The following TUBB8B variants were observed in gnomAD, a reference collection of about 807,000 sequenced individuals.
The protein encoded by TUBB8B is tubulin beta 8B, also known as HSA18p11 beta-tubulin 4Q pseudogene.
A neutral mutation model predicts 31.9 loss-of-function variants in TUBB8B; 26 were observed. That is an observed-to-expected ratio of 0.81 (90% confidence interval 0.60 to 1.13). The LOEUF (loss-of-function observed/expected upper bound fraction) is 1.13. Ranked by LOEUF, TUBB8B falls within the 50% of genes most tolerant of loss-of-function variation. The pLI is 0.00. For missense variants in TUBB8B, 467 were observed against 586.7 expected (o/e 0.80, Z 2.11); for synonymous variants, 173 against 231.0 (o/e 0.75, Z 2.28).
chr18:70,357 G>A, the TUBB8B span, among the ~76,000 whole-genome samples: 22,724 of 126,078 alleles, frequency 0.18, no homozygotes, highest in African/African-American at 0.32. Context: ...CAGGGACAGG[G>A]CATGGTGGCT....
chr18:59,482 A>G, the TUBB8B span, among the ~76,000 whole-genome samples: 1 of 150,814 alleles, frequency 6.6e-6, no homozygotes, highest in African/African-American at 2.4e-5. Flanking sequence ...ATTAAAGAAT[A>G]TTTAATTTTA....
the TUBB8B span, among the ~76,000 whole-genome samples, chr18:61,661 ACAT>A: frequency 1.3e-5 from 2 of 151,040 alleles, no homozygotes; most frequent in Non-Finnish European, 3.0e-5. Flanking sequence ...ATAATATAAC[ACAT>A]CATTTTAGAC....
At chr18:58,816 T>G in the TUBB8B span, among the ~76,000 whole-genome samples, 5 of 151,872 alleles carry the variant, frequency 3.3e-5, no homozygotes, top group Admixed American at 3.3e-4. Flanking sequence ...GGTAATTTAT[T>G]TTTTAAAAAG....
chr18:47,828 C>G lies in TUBB8B; in HGVS notation c.897G>C (p.Met299Ile). ...LTQQMFDAKN[M>I]MAACDPRHGC... ...CGTGACGGGGGTCACAGGCAGCCATCATGTTCTTAGCATCAAACATCTGCT... is the reference window on the plus strand; with the variant it reads ...CGTGACGGGGGTCACAGGCAGCCATGATGTTCTTAGCATCAAACATCTGCT... The change falls in exon 4 of 4, where the codon ATG (methionine) becomes ATC (isoleucine). Residue 299 changes from methionine to isoleucine, a missense_variant. Around this residue, in one of 2 missense-constraint regions of TUBB8B, gnomAD observed 208 missense variants for 206.7 expected, o/e 1.01. Transcript: ENST00000308911. 1.2e-6 allele frequency: 2 copies of G among 1,611,666 alleles called. No individual in the cohort carries two copies. The highest frequency in any genetic ancestry group is 1.7e-6 in the Non-Finnish European group (2 of 1,179,584).
At position 47,779 on chromosome 18, in the gene TUBB8B, T is replaced by TG; in HGVS notation, c.945dup (p.Ile316HisfsTer13). ...CTCATGGGCATGCGACCCCTGAAAA[T>TG]GGCAGCCACCGTTAGGTAGCAGCCG... On this transcript the variant is annotated frameshift_variant, in exon 4 of 4. Transcript: ENST00000308911. LOFTEE classifies it high-confidence loss of function. The TG allele has an allele frequency of 6.2e-7, 1 of 1,611,584 alleles. No individual in the cohort carries two copies. The highest frequency in any genetic ancestry group is 8.5e-7 in the Non-Finnish European group (1 of 1,179,494).
At chr18:50,810 T>C (rs200829949), upstream of TUBB8B, among the ~76,000 whole-genome samples, 468 of 117,942 alleles carry the variant, frequency 4.0e-3, no homozygotes, top group Admixed American at 6.0e-3. Flanking sequence ...GCCTTGGCTG[T>C]GGCATCTACA....
At chr18:70,927 G>A in the TUBB8B span, among the ~76,000 whole-genome samples, 11 of 149,552 alleles carry the variant, frequency 7.4e-5, no homozygotes, top group East Asian at 2.2e-3. Context: ...AAAAAAGAGT[G>A]AAAATCTGTC....
At chr18:48,610 C>T in intron 3 of TUBB8B, 163 bp from the exon 4 acceptor site, 2 of 700,258 alleles carry the variant, frequency 2.9e-6, no homozygotes, top group Admixed American at 2.1e-5. Flanking sequence ...AGGACAGCAG[C>T]TTCCCCTGTT....
At chr18:50,815 T>TGC (rs1367705378), upstream of TUBB8B, among the ~76,000 whole-genome samples, 118 of 152,220 alleles carry the variant, frequency 7.8e-4, no homozygotes, top group Non-Finnish European at 1.5e-3. Context: ...GGCTGTGGCA[T>TGC]CTACAAGGGC....
upstream of TUBB8B, among the ~76,000 whole-genome samples, chr18:52,390 G>C (rs1906145979): frequency 6.6e-6 from 1 of 151,522 alleles, no homozygotes; most frequent in East Asian, 1.9e-4. Context: ...CAAACATCTT[G>C]TTTAGCCAAA....
chr18:56,503 G>A, the TUBB8B span, among the ~76,000 whole-genome samples: 224 of 151,420 alleles, frequency 1.5e-3, 3 homozygotes, highest in Middle Eastern at 6.8e-3. Flanking sequence ...TTCTTTTATC[G>A]GTGTTTTACA....
rs751147149 is a variant in TUBB8B, at chr18:47,668, C to T, written c.1057G>A (p.Val353Ile). Residue 353 changes from valine to isoleucine, a missense_variant, in exon 4 of 4, where the codon GTC becomes ATC. Transcript: ENST00000308911. ...AGCCCCCGGGGTGGGATGTCACAGA[C>T]GGCTGTTTTTACGTTGTCGGGGAAC... The part of the protein sequence containing the change: ...DWFPDNVKTA[V>I]CDIPPRGLKM... 115 of 1,612,478 alleles carry T rather than the reference C, an allele frequency of 7.1e-5. No homozygotes were observed. In the East Asian group the frequency reaches 1.7e-3, roughly 23 times the overall value.
rs1905807766 is a variant in TUBB8B, at chr18:48,242, G to A, written c.483C>T (p.Asp161=). The A allele has an allele frequency of 6.2e-7, 1 of 1,612,130 alleles. No individual in the cohort carries two copies. Among genetic ancestry groups the A allele is most frequent in the Non-Finnish European group, 8.5e-7 (1 of 1,178,382 alleles). Residue 161 remains aspartate (D), a synonymous_variant, in exon 4 of 4, where the codon GAC becomes GAT. Transcript: ENST00000308911. ...LISKIREEYP[D]RIINTFSILP... ...GGATGCTGAATGTGTTTATGATCCT[G>A]TCTGGGTACTCCTCCCGGATCTTAC...
chr18:64,123 C>G, the TUBB8B span, among the ~76,000 whole-genome samples: 1 of 152,042 alleles, frequency 6.6e-6, no homozygotes, highest in African/African-American at 2.4e-5. Flanking sequence ...AACCCTAACA[C>G]TAACCATCTA....
upstream of TUBB8B, among the ~76,000 whole-genome samples, chr18:51,828 C>T (rs536187204): frequency 5.9e-5 from 9 of 151,870 alleles, no homozygotes; most frequent in Non-Finnish European, 1.3e-4. Context: ...GAGGCCTCTC[C>T]GACCATGTGC....
Position 49,549 on chromosome 18 carries a change from T to C in TUBB8B, c.9A>G (p.Glu3=), listed in dbSNP as rs62075749. ...ACTGCCCGGTCTGCGTGAGCACGAT[T>C]TCCCTCATGGCCAAGGCAGGATTAG... MR[E]IVLTQTGQCG... is the part of the protein sequence containing the mutation. Residue 3 remains glutamate (E), a synonymous_variant, in exon 1 of 4, where the codon GAA becomes GAG. Transcript: ENST00000308911. The C allele has an allele frequency of 0.58, 443,693 of 760,550 alleles. 159,731 individuals are homozygous for C. The highest frequency in any genetic ancestry group is 0.97 in the East Asian group (34,033 of 34,926). The allele number at this position is 760,550 out of a possible 1,614,324, so 47.1% of individuals were successfully genotyped here.
In TUBB8B at chr18:47,639, T is replaced by G; in HGVS notation, c.1086A>C (p.Lys362Asn). ...AVCDIPPRGL[K>N]MSATFIGNNA... ...TATTCCCAATGAAGGTGGCTGACATTTTTAGCCCCCGGGGTGGGATGTCAC... is the reference window on the plus strand; with the variant it reads ...TATTCCCAATGAAGGTGGCTGACATGTTTAGCCCCCGGGGTGGGATGTCAC... Residue 362 changes from lysine to asparagine, a missense_variant, in exon 4 of 4, where the codon AAA (lysine) becomes AAC (asparagine). Around this residue, in one of 2 missense-constraint regions of TUBB8B, gnomAD observed 208 missense variants for 206.7 expected, o/e 1.01. Transcript: ENST00000308911. 10 of 1,612,682 alleles carry G rather than the reference T, an allele frequency of 6.2e-6. No individual in the cohort carries two copies. Among genetic ancestry groups the G allele is most frequent in the Non-Finnish European group, 8.5e-6 (10 of 1,179,418 alleles).
chr18:61,305 T>A, the TUBB8B span, among the ~76,000 whole-genome samples: 10 of 151,698 alleles, frequency 6.6e-5, 1 homozygote, highest in Non-Finnish European at 1.3e-4. Flanking sequence ...ATGGAATAAC[T>A]TTTTCCATCA....
chr18:54,052 G>C (rs545866044), upstream of TUBB8B, among the ~76,000 whole-genome samples: 1 of 151,570 alleles, frequency 6.6e-6, no homozygotes, highest in Non-Finnish European at 1.5e-5. Context: ...GACTGACTGA[G>C]AGCTATGGCT....
Sources: gnomAD v4.1 joint callset for allele counts (sites outside exome capture counted in the v4.1 genomes callset) on GRCh38, gnomAD v4.1.1 for gene constraint, gnomAD v4.1.1 regional missense constraint, MANE v1.5 for transcripts, NCBI Gene and HGNC (gene_info 2026-07-23, HGNC 2026-07-21) for gene names.